The following CFAP47 variants were observed in gnomAD, a reference collection of about 807,000 sequenced individuals.
CFAP47 encodes cilia- and flagella-associated protein 47.
In CFAP47, 29 loss-of-function variants were observed where a neutral mutation model predicts 148.1. That is an observed-to-expected ratio of 0.20 (90% CI 0.15 to 0.27). The LOEUF (loss-of-function observed/expected upper bound fraction) is 0.27. CFAP47 is among the 10% of genes least tolerant of loss of function. The pLI, the probability that CFAP47 is intolerant of heterozygous loss-of-function variation, is 1.00. For missense variants in CFAP47, 1,872 were observed against 1,697.5 expected (o/e 1.10, Z -1.81); for synonymous variants, 664 against 577.3 (o/e 1.15, Z -2.15).
chrX:36,155,898 A>G (rs927786614), intron 37 of CFAP47, among the ~76,000 whole-genome samples: 1 of 111,267 alleles, frequency 9.0e-6, no homozygotes, highest in Non-Finnish European at 1.9e-5. Context: ...TCCCAATGCC[A>G]GGCAAGCAAA....
At chrX:36,244,001 C>T (rs371588595) in intron 48 of CFAP47, among the ~76,000 whole-genome samples, 19 of 110,384 alleles carry the variant, frequency 1.7e-4, no homozygotes, top group African/African-American at 5.6e-4. Flanking sequence ...AGACTCAATA[C>T]GTTAAAAAAC....
intron 61 of CFAP47, among the ~76,000 whole-genome samples, chrX:36,362,196 A>G (rs1218946030): frequency 8.9e-6 from 1 of 112,410 alleles, no homozygotes; most frequent in Non-Finnish European, 1.9e-5. Flanking sequence ...GTTTTTAATG[A>G]TTTCTTTTTT....
Position 35,920,051 on chromosome X carries a change from G to A in CFAP47, c.249+3G>A, listed in dbSNP as rs1425255784. 1 of 1,182,546 alleles carries A rather than the reference G, an allele frequency of 8.5e-7. No individual in the cohort carries two copies. Among genetic ancestry groups the A allele is most frequent in the African/African-American group, 1.7e-5 (1 of 57,320 alleles). On this transcript the variant is annotated splice_donor_region_variant and intron_variant, in intron 1 of 63. Transcript: ENST00000378653. ...TTAAGGAGCCCGTCAAGCCACAGGT[G>A]ACACACTAAGGGGTGCTGGGAGCGG...
intron 53 of CFAP47, among the ~76,000 whole-genome samples, chrX:36,302,681 G>C (rs960519786): frequency 8.9e-6 from 1 of 111,815 alleles, no homozygotes; most frequent in Admixed American, 9.5e-5. Flanking sequence ...TGATAGTTGA[G>C]AATTATGAAC....
At position 35,989,388 on chromosome X, in the gene CFAP47, A is replaced by G; in HGVS notation, c.2783A>G (p.Glu928Gly). ...TWQQGFSSPE[E>G]GEFILHVFQG... Reference sequence around the variant, plus strand: ...CAGCAGGGCTTCAGTTCTCCAGAAGAAGGAGAATTTATTCTTCATGTCTTT... The same window carrying G: ...CAGCAGGGCTTCAGTTCTCCAGAAGGAGGAGAATTTATTCTTCATGTCTTT... The change falls in exon 16 of 64, where the codon GAA (glutamate) becomes GGA (glycine). Residue 928 changes from glutamate (E) to glycine (G), a missense_variant. By Grantham distance (98) the Glu-to-Gly change is moderately conservative (BLOSUM62 -2). Transcript: ENST00000378653. 1 of 1,210,286 alleles carries G rather than the reference A, an allele frequency of 8.3e-7. No individual in the cohort carries two copies. Among genetic ancestry groups the G allele is most frequent in the Non-Finnish European group, 1.1e-6 (1 of 893,984 alleles).
At chrX:36,247,695 TAA>T (rs1172998032) in intron 48 of CFAP47, among the ~76,000 whole-genome samples, 1 of 110,872 alleles carries the variant, frequency 9.0e-6, no homozygotes, top group African/African-American at 3.3e-5. Context: ...AAAAGGAATT[TAA>T]GTGACACATT....
At chrX:36,155,387 A>G (rs1939355157) in intron 37 of CFAP47, among the ~76,000 whole-genome samples, 1 of 111,827 alleles carries the variant, frequency 8.9e-6, no homozygotes, top group East Asian at 2.8e-4. Context: ...GTCAATTGGT[A>G]GGCTTCACAT....
At chrX:35,982,169 C>A (rs1476220490) in intron 15 of CFAP47, among the ~76,000 whole-genome samples, 1 of 111,772 alleles carries the variant, frequency 8.9e-6, no homozygotes, top group East Asian at 2.8e-4. Context: ...GTAACCTCAA[C>A]AGCATTGGTT....
chrX:36,179,772 TG>T (rs1417293007), intron 40 of CFAP47, among the ~76,000 whole-genome samples: 3 of 111,170 alleles, frequency 2.7e-5, no homozygotes, highest in Non-Finnish European at 3.8e-5. Context: ...TAACCTGTCA[TG>T]GAAGACTCTA....
At chrX:36,174,441 G>T (rs1468512938) in intron 39 of CFAP47, among the ~76,000 whole-genome samples, 4 of 110,287 alleles carry the variant, frequency 3.6e-5, no homozygotes, top group Non-Finnish European at 7.6e-5. Context: ...GCTGGTACCG[G>T]TTGTTCCTTT....
chrX:36,089,285 C>G (rs1189471170), intron 30 of CFAP47, among the ~76,000 whole-genome samples: 2 of 110,621 alleles, frequency 1.8e-5, no homozygotes, highest in Non-Finnish European at 1.9e-5. Context: ...AGGAGAATCA[C>G]TTGAACCCGG....
At chrX:36,236,622 G>A in intron 47 of CFAP47, 64 bp from the exon 48 acceptor site, 1 of 470,907 alleles carries the variant, frequency 2.1e-6, no homozygotes, top group Non-Finnish European at 3.8e-6. Context: ...GAATAAGATA[G>A]CAGAGGTTGT....
chrX:36,065,501 T>C (rs1235384607), intron 26 of CFAP47, 142 bp from the exon 27 acceptor site: 2 of 426,581 alleles, frequency 4.7e-6, no homozygotes, highest in South Asian at 3.8e-5. Flanking sequence ...ATTGAGTAGA[T>C]GGTTAAAAAA....
At chrX:36,171,159 G>C (rs1367748920) in intron 39 of CFAP47, among the ~76,000 whole-genome samples, 3 of 107,461 alleles carry the variant, frequency 2.8e-5, no homozygotes, top group Non-Finnish European at 3.8e-5. Flanking sequence ...TTTTTTTCTT[G>C]TAAATTTGTT....
chrX:36,096,841 A>C (rs757499999), intron 30 of CFAP47, among the ~76,000 whole-genome samples: 1 of 111,240 alleles, frequency 9.0e-6, no homozygotes, highest in East Asian at 2.8e-4. Flanking sequence ...TTTACATTCA[A>C]TGCTATTATT....
chrX:36,267,597 G>A (rs6629063), intron 49 of CFAP47, among the ~76,000 whole-genome samples: 13,227 of 107,074 alleles, frequency 0.12, 683 homozygotes, highest in East Asian at 0.26. Flanking sequence ...TCCTGCCTCA[G>A]CCTCGTGAGT....
intron 45 of CFAP47, among the ~76,000 whole-genome samples, chrX:36,221,076 G>C (rs1356031898): frequency 9.0e-6 from 1 of 111,593 alleles, no homozygotes; most frequent in Non-Finnish European, 1.9e-5. Context: ...CAAGTAGAAG[G>C]CCTCTTATTG....
intron 1 of CFAP47, among the ~76,000 whole-genome samples, chrX:35,925,157 G>T (rs1935717658): frequency 9.0e-6 from 1 of 111,353 alleles, no homozygotes; most frequent in Non-Finnish European, 1.9e-5. Context: ...TGGATCATGA[G>T]GTCAGGAGAT....
At position 35,966,774 on chromosome X, in the gene CFAP47, C is replaced by G. The variant is rs200643251; in HGVS notation, c.1600+20C>G. The G allele has an allele frequency of 1.1e-5, 11 of 1,018,804 alleles. No homozygotes were observed. The highest frequency in any genetic ancestry group is 1.0e-5 in the Non-Finnish European group (8 of 777,980). 84.0% of individuals were successfully genotyped at this position (1,018,804 alleles called of 1,213,427 possible). A position where few individuals can be genotyped will look rare whatever the true frequency, so the allele number is the denominator to read the frequency against. On this transcript the variant is annotated intron_variant, in intron 9 of 63. Coordinates refer to ENST00000378653, the MANE Select transcript of CFAP47 (RefSeq NM_001304548.2). ...ATCCTGGTATGCTATTGTGTAGTGCCCACCTGGCTTTGTTGTTACTGTTGT... is the reference window on the plus strand; with the variant it reads ...ATCCTGGTATGCTATTGTGTAGTGCGCACCTGGCTTTGTTGTTACTGTTGT...
Sources: allele counts gnomAD v4.1 joint callset (sites outside exome capture counted in the v4.1 genomes callset), GRCh38; gene constraint gnomAD v4.1.1; transcripts MANE v1.5; gene names NCBI Gene and HGNC (gene_info 2026-07-23, HGNC 2026-07-21).